STRN4: variants seen among roughly 807,000 people sequenced by gnomAD.
The protein encoded by STRN4 is striatin-4.
Under a neutral mutation model 77.9 loss-of-function variants are expected in STRN4, and 27 were observed. The ratio of observed to expected loss-of-function variants is 0.35; its 90% confidence interval spans 0.26 to 0.48. The LOEUF (loss-of-function observed/expected upper bound fraction) is 0.48. STRN4 is among the 20% of genes least tolerant of loss of function. STRN4 has a pLI of 0.99. For missense variants in STRN4, 798 were observed against 1,049.7 expected (o/e 0.76, Z 3.31); for synonymous variants, 466 against 443.1 (o/e 1.05, Z -0.65).
chr19:46,737,277 A>G (rs1314042478), intron 3 of STRN4, among the ~76,000 whole-genome samples: 1 of 152,206 alleles, frequency 6.6e-6, no homozygotes, highest in Non-Finnish European at 1.5e-5. Context: ...CTGAGAAATG[A>G]GCTTAATGAT....
At chr19:46,726,688 G>C (rs1173985023) in intron 9 of STRN4, among the ~76,000 whole-genome samples, 1 of 152,138 alleles carries the variant, frequency 6.6e-6, no homozygotes. Flanking sequence ...CCAGGTTCCG[G>C]AGAGATGACG....
chr19:46,727,590 G>A (rs1308103045), intron 8 of STRN4, 44 bp from the exon 9 acceptor site: 2 of 1,499,708 alleles, frequency 1.3e-6, no homozygotes, highest in South Asian at 1.1e-5. Context: ...GGGGAGGGAG[G>A]GGCAGAGAGG....
chr19:46,739,699 A>G (rs192865087), intron 1 of STRN4, among the ~76,000 whole-genome samples: 152 of 152,320 alleles, frequency 1.0e-3, no homozygotes, highest in South Asian at 4.1e-3. Flanking sequence ...CCAGCCCAGA[A>G]CAGCCAGAGC....
intron 9 of STRN4, among the ~76,000 whole-genome samples, chr19:46,727,156 A>G (rs1313598078): frequency 6.6e-6 from 1 of 152,146 alleles, no homozygotes; most frequent in Non-Finnish European, 1.5e-5. Flanking sequence ...TTCACACTAG[A>G]TTGGCCTGAC....
chr19:46,724,444 C>A (rs371542810), intron 12 of STRN4, among the ~76,000 whole-genome samples: 348 of 152,286 alleles, frequency 2.3e-3, no homozygotes, highest in African/African-American at 7.9e-3. Flanking sequence ...ACGCAGAGAC[C>A]CTGGCGGATC....
At chr19:46,739,890 C>A (rs1201011316) in intron 1 of STRN4, among the ~76,000 whole-genome samples, 1 of 152,244 alleles carries the variant, frequency 6.6e-6, no homozygotes, top group Non-Finnish European at 1.5e-5. Flanking sequence ...GCTTCTACTT[C>A]TTTCATCATT....
intron 9 of STRN4, among the ~76,000 whole-genome samples, 173 bp downstream of exon 9, chr19:46,727,279 C>A (rs1275076745): frequency 6.6e-6 from 1 of 152,026 alleles, no homozygotes; most frequent in African/African-American, 2.4e-5. Context: ...GCTCCAGAGT[C>A]TTCCAGGCCC....
At chr19:46,730,907 T>A (rs372450370) in intron 5 of STRN4, 34 bp from the exon 6 acceptor site, 99 of 1,603,048 alleles carry the variant, frequency 6.2e-5, no homozygotes, top group Non-Finnish European at 8.2e-5. Context: ...GAGGCATGAG[T>A]CCTGGCAGGT....
chr19:46,734,449 A>T (rs2054316876), intron 4 of STRN4, among the ~76,000 whole-genome samples: 1 of 152,246 alleles, frequency 6.6e-6, no homozygotes, highest in Admixed American at 6.5e-5. Flanking sequence ...AAGGATATGC[A>T]CAAATACCTT....
chr19:46,725,751 C>T, intron 9 of STRN4, 103 bp from the exon 10 acceptor site: 1 of 1,435,080 alleles, frequency 7.0e-7, no homozygotes, highest in South Asian at 1.4e-5. Flanking sequence ...ACCCACATGA[C>T]CCTGGCAGGA....
intron 15 of STRN4, 56 bp from the exon 16 acceptor site, chr19:46,722,128 A>T: frequency 6.2e-7 from 1 of 1,608,672 alleles, no homozygotes; most frequent in Non-Finnish European, 8.5e-7. Flanking sequence ...CTCGCCTGAG[A>T]GAGTGAAAGG....
rs1176354842 is a variant in STRN4, at chr19:46,741,484, C to A, written c.283-2596G>T. 1.3e-5 allele frequency among the ~76,000 whole-genome samples: 2 copies of A among 152,186 alleles called. No homozygotes were observed. The highest frequency in any genetic ancestry group is 2.9e-5 in the Non-Finnish European group (2 of 68,024). On this transcript the variant is annotated intron_variant, in intron 1 of 17. Transcript: ENST00000263280. The surrounding 1 kb of genome is among the most constrained non-coding windows in gnomAD (Gnocchi z 4.9). The stretch of plus-strand genomic sequence containing the variant: ...AGCATCTCAGGGAGGTGGAAACCCA[C>A]CAAAAACGGGAAGCGTCAGTGGCCA...
intron 5 of STRN4, 127 bp downstream of exon 5, chr19:46,732,912 G>A (rs1273693323): frequency 8.0e-6 from 9 of 1,125,766 alleles, no homozygotes; most frequent in Middle Eastern, 4.2e-4. Flanking sequence ...GAACAAGGGA[G>A]CCCACGGCAT....
intron 1 of STRN4, 40 bp downstream of exon 1, chr19:46,746,109 G>GGGCCA: frequency 6.9e-7 from 1 of 1,439,016 alleles, no homozygotes; most frequent in Non-Finnish European, 9.1e-7. Flanking sequence ...GGGCCGGGCC[G>GGGCCA]GGCCGGGTTG....
chr19:46,725,313 C>T lies in STRN4; in HGVS notation c.1472+19G>A, dbSNP rs756198962. On this transcript the variant is annotated intron_variant, in intron 11 of 17. Transcript: ENST00000263280. ...GCATTTAGGACGAGTTTCTAGCAGG[C>T]TCAGGGGCACCTCCCTACCTGTGAG... The T allele has an allele frequency of 1.8e-5, 29 of 1,613,974 alleles. No individual in the cohort carries two copies. The highest frequency in any genetic ancestry group is 2.2e-5 in the Non-Finnish European group (26 of 1,179,974).
At chr19:46,722,133 G>A (rs2053992381) in intron 15 of STRN4, 61 bp from the exon 16 acceptor site, 2 of 1,606,956 alleles carry the variant, frequency 1.2e-6, no homozygotes, top group Admixed American at 1.7e-5. Flanking sequence ...CTGAGAGAGT[G>A]AAAGGACTGG....
At chr19:46,725,749 G>C in intron 9 of STRN4, 101 bp from the exon 10 acceptor site, 1 of 1,436,164 alleles carries the variant, frequency 7.0e-7, no homozygotes, top group African/African-American at 1.4e-5. Context: ...CCACCCACAT[G>C]ACCCTGGCAG....
At chr19:46,742,465 T>G (rs2053028292) in intron 1 of STRN4, among the ~76,000 whole-genome samples, 1 of 152,236 alleles carries the variant, frequency 6.6e-6, no homozygotes, top group African/African-American at 2.4e-5. Flanking sequence ...CACCGTCTGT[T>G]AGCACTAAGT....
intron 5 of STRN4, 42 bp from the exon 6 acceptor site, chr19:46,730,915 G>C: frequency 6.2e-7 from 1 of 1,601,066 alleles, no homozygotes; most frequent in Non-Finnish European, 8.5e-7. Context: ...AGTCCTGGCA[G>C]GTGTCAAAGC....
Sources: gnomAD v4.1 joint callset for allele counts (sites outside exome capture counted in the v4.1 genomes callset) on GRCh38, gnomAD v4.1.1 for gene constraint, Gnocchi (gnomAD v3.1) non-coding constraint, MANE v1.5 for transcripts, NCBI Gene and HGNC (gene_info 2026-07-23, HGNC 2026-07-21) for gene names.